The following GLG1 variants were observed in gnomAD, a reference collection of about 807,000 sequenced individuals.
The protein encoded by GLG1 is golgi glycoprotein 1, also known as Golgi apparatus protein 1.
GLG1 carries 38 observed loss-of-function variants against 160.5 expected under a neutral mutation model. The ratio of observed to expected loss-of-function variants is 0.24; its 90% CI spans 0.18 to 0.31. The LOEUF is 0.31. GLG1 is among the 10% of genes least tolerant of loss of function. The pLI is 1.00. For missense variants in GLG1, 1,373 were observed against 1,505.2 expected, an observed-to-expected ratio of 0.91 and a Z score of 1.45; for synonymous variants, 644 against 543.4, an observed-to-expected ratio of 1.19 and a Z score of -2.57.
At chr16:74,513,852 G>A (rs997194673) in intron 2 of GLG1, among the ~76,000 whole-genome samples, 9 of 152,092 alleles carry the variant, frequency 5.9e-5, no homozygotes, top group African/African-American at 1.7e-4. Flanking sequence ...TGAGCTTAAC[G>A]AGCATGTTCT....
At chr16:74,543,656 G>C (rs1336794714) in intron 1 of GLG1, among the ~76,000 whole-genome samples, 1 of 152,134 alleles carries the variant, frequency 6.6e-6, no homozygotes, top group African/African-American at 2.4e-5. Flanking sequence ...CTATATTATA[G>C]TTTGGGAAAT....
At position 74,547,752 on chromosome 16, in the gene GLG1, A is replaced by G. The variant is rs2550832; in HGVS notation, c.439-15599T>C. Reference sequence around the variant, plus strand: ...AACCCCTCTGACAAACTCTGATAGCATAATCACCAACTCACAACGTTGACA... The same window carrying G: ...AACCCCTCTGACAAACTCTGATAGCGTAATCACCAACTCACAACGTTGACA... On this transcript the variant is annotated intron_variant, in intron 1 of 25. Transcript: ENST00000422840. Among the ~76,000 whole-genome samples the G allele has an allele frequency of 6.6e-5, 10 of 152,398 alleles. No homozygotes were observed. The East Asian group carries it at 7.7e-4, about 12-fold the overall frequency.
chr16:74,519,156 TA>T (rs1281690400), intron 2 of GLG1, among the ~76,000 whole-genome samples: 10 of 152,138 alleles, frequency 6.6e-5, no homozygotes, highest in Admixed American at 1.3e-4. Flanking sequence ...TATGCAGCCA[TA>T]AAAAAGGATG....
chr16:74,471,142 G>T, intron 15 of GLG1, 31 bp downstream of exon 15: 2 of 1,080,960 alleles, frequency 1.9e-6, no homozygotes, highest in Non-Finnish European at 2.9e-6. Flanking sequence ...AGGCAGCTAT[G>T]ATGGGATATT....
chr16:74,524,380 C>T (rs566786807), intron 2 of GLG1, among the ~76,000 whole-genome samples: 4 of 152,170 alleles, frequency 2.6e-5, no homozygotes, highest in South Asian at 2.1e-4. Flanking sequence ...CCATGAAGTA[C>T]GATGCTTGCT....
chr16:74,508,856 T>G lies in GLG1; in HGVS notation c.541A>C (p.Lys181Gln), dbSNP rs1469462374. The G allele has an allele frequency of 4.7e-6, 7 of 1,501,746 alleles. No individual in the cohort carries two copies. The highest frequency in any genetic ancestry group is 1.1e-5 in the South Asian group (1 of 88,812). The allele number at this position is 1,501,746 out of a possible 1,614,324, so 93.0% of individuals were successfully genotyped here. Reference sequence around the variant, plus strand: ...CAACTTACCTCTGTTATAGTAGATTTGCAAACCTCTCTGGCCACAGATTCA... The same window carrying G: ...CAACTTACCTCTGTTATAGTAGATTGGCAAACCTCTCTGGCCACAGATTCA... ...KFESVAREVC[K>Q]STITEIKECA... Residue 181 changes from lysine to glutamine, a missense_variant, in exon 3 of 26, where the codon AAA becomes CAA. Coordinates refer to ENST00000422840, the MANE Select transcript of GLG1 (RefSeq NM_001145667.2).
intron 2 of GLG1, among the ~76,000 whole-genome samples, chr16:74,518,678 A>G (rs896704013): frequency 3.3e-5 from 5 of 152,232 alleles, no homozygotes; most frequent in Admixed American, 1.3e-4. Flanking sequence ...AATGGCAACA[A>G]AAACCAAAAT....
chr16:74,538,867 C>T (rs897805256), intron 1 of GLG1, among the ~76,000 whole-genome samples: 1 of 149,632 alleles, frequency 6.7e-6, no homozygotes, highest in Admixed American at 6.7e-5. Context: ...AGGAAAAAAG[C>T]ACCAATAACC....
intron 2 of GLG1, among the ~76,000 whole-genome samples, chr16:74,525,757 C>G (rs2017313624): frequency 6.8e-6 from 1 of 146,860 alleles, no homozygotes; most frequent in Non-Finnish European, 1.5e-5. Context: ...AATACTAGAC[C>G]CTTTATCAGA....
At chr16:74,477,602 C>A in intron 11 of GLG1, 69 bp from the exon 12 acceptor site, 1 of 1,168,706 alleles carries the variant, frequency 8.6e-7, no homozygotes, top group Non-Finnish European at 1.2e-6. Context: ...ATGAGATAAA[C>A]CTGCTATGAG....
At chr16:74,494,374 G>T (rs1345480003) in intron 6 of GLG1, among the ~76,000 whole-genome samples, 1 of 143,614 alleles carries the variant, frequency 7.0e-6, no homozygotes, top group South Asian at 2.3e-4. Flanking sequence ...AAGATTATAA[G>T]AAATATTGTT....
rs201693911 is a variant in GLG1 at position 74,529,809 on chromosome 16, G to GTTTTTTTTTTTTTTTTTTTT, written c.471+2311_471+2312insAAAAAAAAAAAAAAAAAAAA. ...CTTCCTATTCCTTGGCTCTTTGAGA[G>GTTTTTTTTTTTTTTTTTTTT]TTCTTTTTTTTTTTTTTTTTTTTTT... is the stretch of plus-strand genomic sequence containing the variant. On this transcript the variant is annotated intron_variant, in intron 2 of 25. Transcript: ENST00000422840. Among the ~76,000 whole-genome samples, 9 of 104,104 alleles carry GTTTTTTTTTTTTTTTTTTTT rather than the reference G, an allele frequency of 8.6e-5. 3 individuals carry two copies. Among genetic ancestry groups the GTTTTTTTTTTTTTTTTTTTT allele is most frequent in the Non-Finnish European group, 9.0e-5 (5 of 55,544 alleles). 68.3% of individuals were successfully genotyped at this position (104,104 alleles called of 152,430 possible). A position where few individuals can be genotyped will look rare whatever the true frequency, so the allele number is the denominator to read the frequency against.
At chr16:74,455,388 G>GAATT in intron 25 of GLG1, among the ~76,000 whole-genome samples, 1 of 152,260 alleles carries the variant, frequency 6.6e-6, no homozygotes, top group South Asian at 2.1e-4. Flanking sequence ...AACAAGCCGT[G>GAATT]AATTACTCTG....
At chr16:74,524,192 G>C (rs1329783505) in intron 2 of GLG1, among the ~76,000 whole-genome samples, 1 of 152,038 alleles carries the variant, frequency 6.6e-6, no homozygotes, top group African/African-American at 2.4e-5. Context: ...CTGGGTGACA[G>C]AGCGACACTT....
Position 74,465,656 on chromosome 16 carries a change from C to G in GLG1, c.2667+20G>C. On this transcript the variant is annotated intron_variant, in intron 19 of 25. Coordinates refer to ENST00000422840, the MANE Select transcript of GLG1 (RefSeq NM_001145667.2). ...GTTTTGTTGTTCATCCGTGCTCGGC[C>G]TTTGGTGTCGGCTTCTCACCTTTAT... 6 of 1,611,488 alleles carry G rather than the reference C, an allele frequency of 3.7e-6. No individual in the cohort carries two copies. Among genetic ancestry groups the G allele is most frequent in the Non-Finnish European group, 5.1e-6 (6 of 1,179,052 alleles).
chr16:74,533,599 G>A (rs958385278), intron 1 of GLG1, among the ~76,000 whole-genome samples: 4 of 151,658 alleles, frequency 2.6e-5, no homozygotes, highest in Non-Finnish European at 5.9e-5. Context: ...TGGCCAACAT[G>A]ATGAAACCCC....
chr16:74,469,830 C>T, intron 16 of GLG1, 155 bp downstream of exon 16: 1 of 635,784 alleles, frequency 1.6e-6, no homozygotes, highest in Non-Finnish European at 2.9e-6. Flanking sequence ...TCCAGACAGT[C>T]CGAGTGTTTG....
At chr16:74,542,754 G>GAAGGAAGGAAGGAAGGAAGGAAGTA (rs2017925962) in intron 1 of GLG1, among the ~76,000 whole-genome samples, 1 of 36,308 alleles carries the variant, frequency 2.8e-5, no homozygotes, top group Non-Finnish European at 6.2e-5. Flanking sequence ...AGGAAGGAAG[G>GAAGGAAGGAAGGAAGGAAGGAAGTA]AAGGAAGGAA....
At chr16:74,496,199 T>A (rs1163352951) in intron 5 of GLG1, among the ~76,000 whole-genome samples, 2 of 151,786 alleles carry the variant, frequency 1.3e-5, no homozygotes, top group African/African-American at 4.8e-5. Context: ...ACCCAGAAGT[T>A]GGAGGCTGCA....
Sources: allele counts gnomAD v4.1 joint callset (sites outside exome capture counted in the v4.1 genomes callset), GRCh38; gene constraint gnomAD v4.1.1; transcripts MANE v1.5; gene names NCBI Gene and HGNC (gene_info 2026-07-23, HGNC 2026-07-21).